DENND1A: variants seen among roughly 807,000 people sequenced by gnomAD.
DENND1A encodes DENN domain containing 1A.
A neutral mutation model predicts 113.7 loss-of-function variants in DENND1A; 51 were observed. The ratio of observed to expected loss-of-function variants is 0.45; its 90% CI spans 0.36 to 0.57. The LOEUF is 0.57. DENND1A is among the 20% of genes least tolerant of loss of function. The pLI, the probability that DENND1A is intolerant of heterozygous loss-of-function variation, is 0.00. For synonymous variants in DENND1A, 565 were observed against 570.8 expected (o/e 0.99, Z 0.14); for missense variants, 1,258 against 1,395.9 (o/e 0.90, Z 1.57).
chr9:123,691,004 A>T (rs951420060), intron 5 of DENND1A, among the ~76,000 whole-genome samples: 1 of 152,178 alleles, frequency 6.6e-6, no homozygotes, highest in Non-Finnish European at 1.5e-5. Context: ...CCTTTCCTTA[A>T]TGTGGGTACA....
intron 13 of DENND1A, among the ~76,000 whole-genome samples, chr9:123,544,862 GC>G (rs1460749818): frequency 2.0e-5 from 3 of 152,196 alleles, no homozygotes; most frequent in Admixed American, 1.3e-4. Flanking sequence ...ACTTTGGGAA[GC>G]CAAGGTGGGC....
intron 7 of DENND1A, 71 bp downstream of exon 7, chr9:123,671,220 T>A: frequency 1.3e-6 from 2 of 1,573,710 alleles, no homozygotes; most frequent in Non-Finnish European, 1.7e-6. Context: ...ACAATCCTGT[T>A]CAGCTAGCTC....
intron 21 of DENND1A, among the ~76,000 whole-genome samples, chr9:123,393,035 CCA>C (rs374225084): frequency 3.9e-5 from 6 of 152,306 alleles, no homozygotes; most frequent in Middle Eastern, 3.4e-3. Flanking sequence ...CATAGATATA[CCA>C]CAGTTTCTTT....
chr9:123,624,518 A>T (rs186826262), intron 10 of DENND1A, among the ~76,000 whole-genome samples: 303 of 152,330 alleles, frequency 2.0e-3, no homozygotes, highest in Non-Finnish European at 3.5e-3. Flanking sequence ...ACCGGCCTGT[A>T]ATCATCCTTT....
chr9:123,602,134 C>G (rs1464428134), intron 11 of DENND1A, among the ~76,000 whole-genome samples: 1 of 152,154 alleles, frequency 6.6e-6, no homozygotes, highest in African/African-American at 2.4e-5. Flanking sequence ...CTGTGAATAC[C>G]AACATCTGCA....
At chr9:123,903,730 G>A (rs1034111080) in intron 1 of DENND1A, among the ~76,000 whole-genome samples, 1 of 152,234 alleles carries the variant, frequency 6.6e-6, no homozygotes, top group African/African-American at 2.4e-5. Context: ...TACACCCACG[G>A]TGTCTCGCTG....
intron 2 of DENND1A, among the ~76,000 whole-genome samples, chr9:123,803,753 T>C (rs935456093): frequency 6.6e-6 from 1 of 152,196 alleles, no homozygotes; most frequent in African/African-American, 2.4e-5. Flanking sequence ...TCAAGCCCAC[T>C]TTCCAACAGC....
At chr9:123,839,677 GTTC>G (rs1372064542) in intron 2 of DENND1A, among the ~76,000 whole-genome samples, 1 of 152,100 alleles carries the variant, frequency 6.6e-6, no homozygotes, top group Non-Finnish European at 1.5e-5. Context: ...AGTTCATATT[GTTC>G]TTTTAAATTG....
At position 123,714,822 on chromosome 9, in the gene DENND1A, A is replaced by T. The variant is rs139843839; in HGVS notation, c.303-38033T>A. Among the ~76,000 whole-genome samples the T allele has an allele frequency of 1.1e-3, 166 of 152,306 alleles. 1 individual carries two copies. The highest frequency in any genetic ancestry group is 1.8e-3 in the Non-Finnish European group (121 of 68,024). On this transcript the variant is annotated intron_variant, in intron 5 of 23. Coordinates refer to ENST00000394215, the MANE Select transcript of DENND1A (RefSeq NM_001352964.2). Reference sequence around the variant, plus strand: ...TGAGTCCACAGGTTGGTTGCTAGGAATATATTTCTCCACAGTCAGGTTTCA... The same window carrying T: ...TGAGTCCACAGGTTGGTTGCTAGGATTATATTTCTCCACAGTCAGGTTTCA...
intron 1 of DENND1A, among the ~76,000 whole-genome samples, chr9:123,889,000 G>GTGTC (rs1564451240): frequency 6.7e-6 from 1 of 149,804 alleles, no homozygotes; most frequent in African/African-American, 2.5e-5. Flanking sequence ...GTGTGTGTGT[G>GTGTC]TGTGTGTATT....
At chr9:123,441,940 C>T (rs1038976080) in intron 18 of DENND1A, among the ~76,000 whole-genome samples, 1 of 152,132 alleles carries the variant, frequency 6.6e-6, no homozygotes, top group African/African-American at 2.4e-5. Flanking sequence ...GAAAGTAATT[C>T]CTTATTGAAA....
rs567276525 is a variant in DENND1A at position 123,924,587 on chromosome 9, G to A, written c.17+5302C>T. Reference sequence around the variant, plus strand: ...AATCACCTGAACCCAGGAGGCGGAGGTAGCAGTGAGCCAAGATCACACCAC... The same window carrying A: ...AATCACCTGAACCCAGGAGGCGGAGATAGCAGTGAGCCAAGATCACACCAC... On this transcript the variant is annotated intron_variant, in intron 1 of 23. Coordinates refer to ENST00000394215, the MANE Select transcript of DENND1A (RefSeq NM_001352964.2). 2.2e-4 allele frequency among the ~76,000 whole-genome samples: 34 copies of A among 151,540 alleles called. 1 individual carries two copies. Among genetic ancestry groups the A allele is most frequent in the Middle Eastern group, 3.4e-3 (1 of 294 alleles).
intron 1 of DENND1A, among the ~76,000 whole-genome samples, chr9:123,889,705 G>A (rs1849622182): frequency 6.6e-6 from 1 of 152,190 alleles, no homozygotes; most frequent in African/African-American, 2.4e-5. Flanking sequence ...GGGCGTGGTG[G>A]CTCATACCTG....
At chr9:123,383,505 GTT>G (rs2042392018) in intron 23 of DENND1A, 148 bp downstream of exon 23, 1 of 1,289,130 alleles carries the variant, frequency 7.8e-7, no homozygotes, top group Non-Finnish European at 1.1e-6. Context: ...CCTGGGAGGT[GTT>G]TACAGTCACA....
At chr9:123,529,104 T>A (rs1588998062) in intron 13 of DENND1A, among the ~76,000 whole-genome samples, 1 of 152,320 alleles carries the variant, frequency 6.6e-6, no homozygotes, top group Non-Finnish European at 1.5e-5. Flanking sequence ...AGTTCCCCTG[T>A]CAAATAACAT....
intron 13 of DENND1A, among the ~76,000 whole-genome samples, chr9:123,462,783 G>A (rs1234762197): frequency 6.6e-6 from 1 of 152,128 alleles, no homozygotes; most frequent in Non-Finnish European, 1.5e-5. Context: ...GGCAACAAGA[G>A]TGAAACTCCA....
chr9:123,492,849 G>A (rs1317717440), intron 13 of DENND1A: 3 of 152,196 alleles, frequency 2.0e-5, no homozygotes, highest in African/African-American at 7.2e-5. Flanking sequence ...GGAGCCATTA[G>A]AAAAACGCTA....
intron 2 of DENND1A, among the ~76,000 whole-genome samples, chr9:123,878,227 T>C (rs1205346560): frequency 2.0e-5 from 3 of 151,894 alleles, no homozygotes; most frequent in Admixed American, 1.3e-4. Flanking sequence ...ATAATATTAT[T>C]ATATGCAGGT....
chr9:123,767,412 GA>G (rs71838991), intron 4 of DENND1A, among the ~76,000 whole-genome samples: 18,646 of 143,088 alleles, frequency 0.13, 1,508 homozygotes, highest in African/African-American at 0.24. Context: ...TTGTAAAAAA[GA>G]AAAAAAAAAG....
Sources: allele counts gnomAD v4.1 joint callset (sites outside exome capture counted in the v4.1 genomes callset), GRCh38; gene constraint gnomAD v4.1.1; transcripts MANE v1.5; gene names NCBI Gene and HGNC (gene_info 2026-07-23, HGNC 2026-07-21).